RAG2: variants seen among roughly 807,000 people sequenced by gnomAD.
RAG2 encodes recombination activating 2.
Under a neutral mutation model 31.8 loss-of-function variants are expected in RAG2, and 16 were observed. That is an observed-to-expected ratio of 0.50 (90% CI 0.34 to 0.76). The LOEUF is 0.76. Among genes scored for constraint, RAG2 ranks in the 30% least tolerant of loss-of-function variants. RAG2 has a pLI of 0.01. For synonymous variants in RAG2, 199 were observed against 215.9 expected, an observed-to-expected ratio of 0.92 and a Z score of 0.68; for missense variants, 622 against 628.5, an observed-to-expected ratio of 0.99 and a Z score of 0.11.
In RAG2 at chr11:36,592,697, G is replaced by A. The variant is rs772225125; in HGVS notation, c.1472C>T (p.Pro491Leu). The A allele has an allele frequency of 2.5e-6, 4 of 1,614,060 alleles. No homozygotes were observed. The highest frequency in any genetic ancestry group is 1.7e-5 in the Admixed American group (1 of 60,022). Residue 491 changes from proline (P) to leucine (L), a missense_variant, in exon 2 of 2, where the codon CCC becomes CTC. Coordinates refer to ENST00000311485, the MANE Select transcript of RAG2 (RefSeq NM_000536.4). The part of the protein sequence containing the change: ...HVEIARALHT[P>L]QRVLPLKKPP... Reference sequence around the variant, plus strand: ...CTTTTTTAAGGGTAGGACTCTTTGGGGAGTGTGTAGAGCTCTTGCTATCTC... The same window carrying A: ...CTTTTTTAAGGGTAGGACTCTTTGGAGAGTGTGTAGAGCTCTTGCTATCTC...
Position 36,592,455 on chromosome 11 carries a change from T to G in RAG2, c.*130A>C. 3 of 1,216,102 alleles carry G rather than the reference T, an allele frequency of 2.5e-6. No homozygotes were observed. The highest frequency in any genetic ancestry group is 3.4e-6 in the Non-Finnish European group (3 of 883,356). 75.3% of individuals were successfully genotyped at this position (1,216,102 alleles called of 1,614,324 possible). ...CATTATAAACACTTTTTTCTGGCCC[T>G]TAATTCATGTAACTAAAAGAAAACA... On this transcript the variant is annotated 3_prime_UTR_variant, in exon 2 of 2. Transcript: ENST00000311485.
Position 36,593,702 on chromosome 11 carries a change from A to G in RAG2, c.467T>C (p.Phe156Ser), listed in dbSNP as rs1190840541. 1 of 1,614,098 alleles carries G rather than the reference A, an allele frequency of 6.2e-7. No homozygotes were observed. Among genetic ancestry groups the G allele is most frequent in the Non-Finnish European group, 8.5e-7 (1 of 1,179,994 alleles). ...YSRGKSMGVL[F>S]GGRSYMPSTH... ...AGAAGGCATGTATGAGCGTCCTCCA[A>G]AGAGAACACCCATACTTTTCCCTCG... The change falls in exon 2 of 2, where the codon TTT becomes TCT. Residue 156 changes from phenylalanine (F) to serine (S), a missense_variant. By Grantham distance (155) the Phe-to-Ser change is radical (BLOSUM62 -2). Coordinates refer to ENST00000311485, the MANE Select transcript of RAG2 (RefSeq NM_000536.4).
At chr11:36,597,996 C>A (rs906192677) in intron 1 of RAG2, 106 bp downstream of exon 1, 1 of 152,128 alleles carries the variant, frequency 6.6e-6, no homozygotes, top group Non-Finnish European at 1.5e-5. Context: ...ACCAAATCCA[C>A]TTGTGACTAA....
chr11:36,595,194 T>G (rs1851165102), intron 1 of RAG2: 2 of 152,230 alleles, frequency 1.3e-5, no homozygotes, highest in Admixed American at 6.5e-5. Flanking sequence ...TTCATCTTCA[T>G]TCTAGGAAAA....
intron 1 of RAG2, among the ~76,000 whole-genome samples, chr11:36,595,586 C>G (rs1285135695): frequency 6.6e-6 from 1 of 152,354 alleles, no homozygotes; most frequent in East Asian, 1.9e-4. Flanking sequence ...AATCCTGGCT[C>G]TGCCACTAAC....
intron 1 of RAG2, 107 bp from the exon 2 acceptor site, chr11:36,594,302 G>T: frequency 1.3e-6 from 1 of 753,274 alleles, no homozygotes; most frequent in Non-Finnish European, 2.3e-6. Context: ...CCACACGCTT[G>T]CAGTGGGACT....
At position 36,593,184 on chromosome 11, in the gene RAG2, G is replaced by T. The variant is rs1851065966; in HGVS notation, c.985C>A (p.Leu329Ile). The change falls in exon 2 of 2, where the codon CTT (leucine) becomes ATT (isoleucine). Residue 329 changes from leucine (L) to isoleucine (I), a missense_variant. Coordinates refer to ENST00000311485, the MANE Select transcript of RAG2 (RefSeq NM_000536.4). ...TGTTTATTGTCTCCTGGTATGCCAA[G>T]AAAAACAGTTCCATTTCCCATGTTG... is the stretch of plus-strand genomic sequence containing the variant. ...GSNMGNGTVF[L>I]GIPGDNKQVV... 1.9e-6 allele frequency: 3 copies of T among 1,614,046 alleles called. No individual in the cohort carries two copies. Among genetic ancestry groups the T allele is most frequent in the Non-Finnish European group, 2.5e-6 (3 of 1,180,042 alleles).
In RAG2 at chr11:36,591,989, A is replaced by T. The variant is rs1359939797; in HGVS notation, c.*596T>A. 1 of 152,300 alleles carries T rather than the reference A, an allele frequency of 6.6e-6. No homozygotes were observed. Among genetic ancestry groups the T allele is most frequent in the African/African-American group, 2.4e-5 (1 of 41,462 alleles). The allele number at this position is 152,300 out of a possible 1,614,324, so 9.4% of individuals were successfully genotyped here. ...TTCTTTTGTGTCAGTGGAGAACATT[A>T]TCTATCTATATGTATACATATATTT... On this transcript the variant is annotated 3_prime_UTR_variant, in exon 2 of 2. Coordinates refer to ENST00000311485, the MANE Select transcript of RAG2 (RefSeq NM_000536.4).
chr11:36,592,552 C>T lies in RAG2; in HGVS notation c.*33G>A. ...GATTTTAAAAATAGATTCAAAAATTCCATACACCTGAATCTGAAAGGCTTT... is the reference window on the plus strand; with the variant it reads ...GATTTTAAAAATAGATTCAAAAATTTCATACACCTGAATCTGAAAGGCTTT... On this transcript the variant is annotated 3_prime_UTR_variant, in exon 2 of 2. Coordinates refer to ENST00000311485, the MANE Select transcript of RAG2 (RefSeq NM_000536.4). 1.9e-6 allele frequency: 3 copies of T among 1,608,482 alleles called. No homozygotes were observed. The highest frequency in any genetic ancestry group is 3.3e-5 in the Admixed American group (2 of 59,748).
chr11:36,596,575 A>G (rs1851268728), intron 1 of RAG2, among the ~76,000 whole-genome samples: 1 of 152,188 alleles, frequency 6.6e-6, no homozygotes, highest in African/African-American at 2.4e-5. Flanking sequence ...AGGAGACATT[A>G]TTGACCCTCA....
At position 36,592,369 on chromosome 11, in the gene RAG2, G is replaced by T. The variant is rs1035057218; in HGVS notation, c.*216C>A. ...TCAGTGAAGAATAAATTAGTAAATT[G>T]AGTATTTGGGTAAAATATTTTCAAA... On this transcript the variant is annotated 3_prime_UTR_variant, in exon 2 of 2. Coordinates refer to ENST00000311485, the MANE Select transcript of RAG2 (RefSeq NM_000536.4). 6 of 608,820 alleles carry T rather than the reference G, an allele frequency of 9.9e-6. No homozygotes were observed. Among genetic ancestry groups the T allele is most frequent in the African/African-American group, 9.3e-5 (5 of 54,032 alleles). 37.7% of individuals were successfully genotyped at this position (608,820 alleles called of 1,614,324 possible).
At position 36,593,478 on chromosome 11, in the gene RAG2, C is replaced by T; in HGVS notation, c.691G>A (p.Ala231Thr). ...GHSLANNIRP[A>T]NLYRIRVDLP... ...TCAACCCTTATTCTGTACAGGTTGG[C>T]AGGCCGGATATTATTGGCAAGTGAA... is the stretch of plus-strand genomic sequence containing the variant. The change falls in exon 2 of 2, where the codon GCC (alanine) becomes ACC (threonine). Residue 231 changes from alanine to threonine, a missense_variant. By Grantham distance (58) the Ala-to-Thr change is moderately conservative. Transcript: ENST00000311485. 6.2e-7 allele frequency: 1 copy of T among 1,613,962 alleles called. No individual in the cohort carries two copies. Among genetic ancestry groups the T allele is most frequent in the South Asian group, 1.1e-5 (1 of 91,088 alleles).
chr11:36,594,463 T>G (rs1447491862), intron 1 of RAG2: 1 of 428,414 alleles, frequency 2.3e-6, no homozygotes, highest in African/African-American at 2.0e-5. Context: ...AGAGTCACCA[T>G]GCGTCAGCTG....
Position 36,592,757 on chromosome 11 carries a change from G to A in RAG2, c.1412C>T (p.Ala471Val). 1 of 1,614,076 alleles carries A rather than the reference G, an allele frequency of 6.2e-7. No homozygotes were observed. The highest frequency in any genetic ancestry group is 8.5e-7 in the Non-Finnish European group (1 of 1,180,012). The change falls in exon 2 of 2, where the codon GCA (alanine) becomes GTA (valine). Residue 471 changes from alanine (A) to valine (V), a missense_variant. Ala to Val is a moderately conservative substitution (Grantham distance 64, BLOSUM62 0). Transcript: ENST00000311485. ...ATTGCAGTAATACTTGTTGCTTCCT[G>A]CTGACAGATGGATGAGTGTGCGTTC... ...LAERTLIHLS[A>V]GSNKYYCNEH...
chr11:36,592,347 G>C lies in RAG2; in HGVS notation c.*238C>G. The C allele has an allele frequency of 3.8e-6, 2 of 530,864 alleles. No individual in the cohort carries two copies. The highest frequency in any genetic ancestry group is 4.5e-5 in the South Asian group (2 of 44,888). The allele number at this position is 530,864 out of a possible 1,614,324, so 32.9% of individuals were successfully genotyped here. A position where few individuals can be genotyped will look rare whatever the true frequency, so the allele number is the denominator to read the frequency against. ...TAAAAAATCAGATCAGAAATCCTCA[G>C]TGAAGAATAAATTAGTAAATTGAGT... On this transcript the variant is annotated 3_prime_UTR_variant, in exon 2 of 2. Coordinates refer to ENST00000311485, the MANE Select transcript of RAG2 (RefSeq NM_000536.4).
Position 36,594,196 on chromosome 11 carries a change from C to G in RAG2, c.-27-1G>C. On this transcript the variant is annotated splice_acceptor_variant, in intron 1 of 1. Coordinates refer to ENST00000311485, the MANE Select transcript of RAG2 (RefSeq NM_000536.4). LOFTEE classifies it low-confidence loss of function (5UTR_SPLICE). ...TTTCTGATGGTACGTAGATTTTTGT[C>G]TGAAAGAATTATAAAATAAAATGAC... The G allele has an allele frequency of 6.6e-7, 1 of 1,511,872 alleles. No individual in the cohort carries two copies. Among genetic ancestry groups the G allele is most frequent in the South Asian group, 1.1e-5 (1 of 89,000 alleles). The allele number at this position is 1,511,872 out of a possible 1,614,324, so 93.7% of individuals were successfully genotyped here. A position where few individuals can be genotyped will look rare whatever the true frequency, so the allele number is the denominator to read the frequency against.
chr11:36,597,828 C>G (rs1009541670), intron 1 of RAG2: 1 of 152,022 alleles, frequency 6.6e-6, no homozygotes, highest in Non-Finnish European at 1.5e-5. Context: ...GCAGTAAAAC[C>G]AGGATTAGGT....
intron 1 of RAG2, 45 bp downstream of exon 1, chr11:36,598,057 G>C (rs1312723554): frequency 6.6e-6 from 1 of 151,834 alleles, no homozygotes; most frequent in Non-Finnish European, 1.5e-5. Context: ...ACTAACATAG[G>C]CTCCCATTTT....
chr11:36,591,452 T>C (rs1488076012), downstream of RAG2, among the ~76,000 whole-genome samples: 1 of 152,146 alleles, frequency 6.6e-6, no homozygotes, highest in Non-Finnish European at 1.5e-5. Flanking sequence ...CATTTGTTTC[T>C]AAGGTCATCT....
Sources: gnomAD v4.1 joint callset for allele counts (sites outside exome capture counted in the v4.1 genomes callset) on GRCh38, gnomAD v4.1.1 for gene constraint, MANE v1.5 for transcripts, NCBI Gene and HGNC (gene_info 2026-07-23, HGNC 2026-07-21) for gene names.